The following NCOR2 variants were observed in gnomAD, a reference collection of about 807,000 sequenced individuals.
The protein encoded by NCOR2 is nuclear receptor corepressor 2, also known as CTG repeat protein 26.
In NCOR2, 81 loss-of-function variants were observed where a neutral mutation model predicts 262.9. The ratio of observed to expected loss-of-function variants is 0.31; its 90% CI spans 0.26 to 0.37. The LOEUF is 0.37. Among genes scored for constraint, NCOR2 ranks in the 10% least tolerant of loss-of-function variants. The probability of loss-of-function intolerance (pLI) is 1.00; values close to 1 mark genes in which losing one functional copy is unlikely to be tolerated. For missense variants in NCOR2, 3,385 were observed against 3,621.4 expected (o/e 0.93, Z 1.68); for synonymous variants, 1,659 against 1,559.3 (o/e 1.06, Z -1.51).
rs186043193 is a variant in NCOR2 at position 124,433,250 on chromosome 12, G to C, written c.883-2463C>G. Among the ~76,000 whole-genome samples, 257 of 152,340 alleles carry C rather than the reference G, an allele frequency of 1.7e-3. 1 individual carries two copies. The highest frequency in any genetic ancestry group is 6.1e-3 in the African/African-American group (253 of 41,576). ...GACAGACAACGGCCACACGTGCTCG[G>C]GGCAGTGGCTGCTGACAGCCCCAGT... On this transcript the variant is annotated intron_variant, in intron 8 of 46. Coordinates refer to ENST00000405201, the Ensembl canonical transcript of NCOR2.
intron 15 of NCOR2, among the ~76,000 whole-genome samples, chr12:124,399,878 C>T (rs10846667): frequency 0.38 from 57,024 of 151,958 alleles, 12,923 homozygotes; most frequent in Non-Finnish European, 0.49. Flanking sequence ...TTTTTTTCTA[C>T]TTTCTGGGAG....
intron 5 of NCOR2, among the ~76,000 whole-genome samples, 198 bp downstream of exon 7, chr12:124,465,975 A>AGCCCAGAGGCCAC (rs2046394147): frequency 6.6e-6 from 1 of 152,192 alleles, no homozygotes; most frequent in East Asian, 1.9e-4. Context: ...TGAGCAGAAC[A>AGCCCAGAGGCCAC]GCCCAGAGGC....
intron 11 of NCOR2, 47 bp downstream of exon 13, chr12:124,426,575 A>G: frequency 2.0e-6 from 3 of 1,516,014 alleles, no homozygotes; most frequent in Non-Finnish European, 2.7e-6. Flanking sequence ...CCTCAACAGG[A>G]TGGGGGTGGG....
At chr12:124,363,757 G>A (rs2038798819) in exon 21 of NCOR2, 3 of 1,390,320 alleles carry the variant, frequency 2.2e-6, no homozygotes, top group South Asian at 3.7e-5. Flanking sequence ...TGGCCCGGGG[G>A]TCGCCAGTCG....
chr12:124,512,529 G>GTCTC (rs1377261932), intron 1 of NCOR2, among the ~76,000 whole-genome samples: 1 of 152,248 alleles, frequency 6.6e-6, no homozygotes, highest in African/African-American at 2.4e-5. Flanking sequence ...ATCAAATACG[G>GTCTC]TCTCTCTCTG....
rs1271852044 is a variant in NCOR2, at chr12:124,548,430, G to A, written c.-164-12819C>T. Among the ~76,000 whole-genome samples, 6 of 152,126 alleles carry A rather than the reference G, an allele frequency of 3.9e-5. No individual in the cohort carries two copies. Among genetic ancestry groups the A allele is most frequent in the Admixed American group, 3.9e-4 (6 of 15,274 alleles). ...CAGACAGGTGTGACCAGAGTGGACTGGGGACCCCGAAGAGGCTACTGCAGT... is the reference window on the plus strand; with the variant it reads ...CAGACAGGTGTGACCAGAGTGGACTAGGGACCCCGAAGAGGCTACTGCAGT... On this transcript the variant is annotated intron_variant, in intron 1 of 32. Transcript: ENST00000458234. This position sits in a 1 kb window ranked among gnomAD's most constrained non-coding sequence, Gnocchi z 5.1.
intron 1 of NCOR2, among the ~76,000 whole-genome samples, chr12:124,525,631 C>T (rs893634987): frequency 2.6e-5 from 4 of 152,240 alleles, no homozygotes; most frequent in African/African-American, 4.8e-5. Flanking sequence ...GAGGGCCCTA[C>T]GTGGCACATG....
intron 16 of NCOR2, among the ~76,000 whole-genome samples, chr12:124,393,288 C>T (rs2041437924): frequency 6.6e-6 from 1 of 152,196 alleles, no homozygotes; most frequent in Non-Finnish European, 1.5e-5. Flanking sequence ...CTCCCCGGAG[C>T]TGCCCGGTTC....
chr12:124,551,234 C>G (rs973252022), intron 1 of NCOR2, among the ~76,000 whole-genome samples: 15 of 152,194 alleles, frequency 9.9e-5, no homozygotes, highest in Non-Finnish European at 1.5e-5. Context: ...CCACTCAGGT[C>G]TGCCGCTTGT....
chr12:124,496,746 G>A (rs1387485172), upstream of NCOR2, among the ~76,000 whole-genome samples: 2 of 150,974 alleles, frequency 1.3e-5, no homozygotes, highest in African/African-American at 4.9e-5. The surrounding 1 kb of genome is among the most constrained non-coding windows in gnomAD (Gnocchi z 4.4). Context: ...CTCCCCAGGT[G>A]CCAGGGATGG....
At chr12:124,486,238 A>C in intron 2 of NCOR2, 1 of 664,282 alleles carries the variant, frequency 1.5e-6, no homozygotes, top group South Asian at 2.1e-5. Flanking sequence ...CCACGCTGGA[A>C]GTCTGAGGGC....
At chr12:124,547,506 A>T (rs2051578211) in intron 1 of NCOR2, among the ~76,000 whole-genome samples, 1 of 152,212 alleles carries the variant, frequency 6.6e-6, no homozygotes, top group African/African-American at 2.4e-5. Flanking sequence ...CATTTTTCAA[A>T]TGGAGAAGAA....
intron 1 of NCOR2, among the ~76,000 whole-genome samples, chr12:124,512,834 G>A (rs370077403): frequency 1.8e-4 from 27 of 152,144 alleles, no homozygotes; most frequent in African/African-American, 5.8e-4. Flanking sequence ...AGGAAACAAG[G>A]GACTCTCACG....
chr12:124,412,970 C>T (rs1234023918), intron 13 of NCOR2, among the ~76,000 whole-genome samples: 1 of 152,230 alleles, frequency 6.6e-6, no homozygotes, highest in Non-Finnish European at 1.5e-5. Flanking sequence ...TACAGCCATC[C>T]CAGCGTGGTC....
intron 1 of NCOR2, among the ~76,000 whole-genome samples, chr12:124,521,094 T>C (rs1593957998): frequency 6.6e-6 from 1 of 151,974 alleles, no homozygotes; most frequent in East Asian, 1.9e-4. Context: ...AGAAACTACA[T>C]GTGTGGGGCC....
At chr12:124,396,584 CCA>C (rs1268012387) in intron 16 of NCOR2, among the ~76,000 whole-genome samples, 1 of 151,998 alleles carries the variant, frequency 6.6e-6, no homozygotes, top group Non-Finnish European at 1.5e-5. Context: ...CTCTCACTCA[CCA>C]CACACAGAGC....
chr12:124,382,721 C>T (rs2040500103), intron 17 of NCOR2, among the ~76,000 whole-genome samples: 1 of 152,250 alleles, frequency 6.6e-6, no homozygotes, highest in African/African-American at 2.4e-5. Flanking sequence ...GGGCAGCTGC[C>T]ATTGCTTCCC....
intron 1 of NCOR2, among the ~76,000 whole-genome samples, chr12:124,492,411 G>A (rs898654436): frequency 6.6e-6 from 1 of 152,176 alleles, no homozygotes; most frequent in Non-Finnish European, 1.5e-5. Context: ...AGGCTCCAGG[G>A]AAGACCTGCC....
At chr12:124,336,677 C>A in intron 38 of NCOR2, 76 bp downstream of exon 40, 1 of 1,552,900 alleles carries the variant, frequency 6.4e-7, no homozygotes, top group Non-Finnish European at 8.7e-7. Context: ...ACCTCCTTCT[C>A]GCGCCCCTTT....
Sources: gnomAD v4.1 joint callset for allele counts (sites outside exome capture counted in the v4.1 genomes callset) on GRCh38, gnomAD v4.1.1 for gene constraint, Gnocchi (gnomAD v3.1) non-coding constraint, MANE v1.5 for transcripts, NCBI Gene and HGNC (gene_info 2026-07-23, HGNC 2026-07-21) for gene names.